ARHGEF2: variants seen among roughly 807,000 people sequenced by gnomAD.
The protein encoded by ARHGEF2 is Rho/Rac guanine nucleotide exchange factor 2.
A neutral mutation model predicts 121.0 loss-of-function variants in ARHGEF2; 22 were observed. The ratio of observed to expected loss-of-function variants is 0.18; its 90% CI spans 0.13 to 0.26. The LOEUF is 0.26. ARHGEF2 is among the 10% of genes least tolerant of loss of function. ARHGEF2 has a pLI of 1.00. For missense variants in ARHGEF2, 907 were observed against 1,336.0 expected (o/e 0.68, Z 5.01); for synonymous variants, 487 against 530.0 (o/e 0.92, Z 1.11).
At chr1:155,968,940 T>C (rs1273854121) in intron 2 of ARHGEF2, 2 of 570,716 alleles carry the variant, frequency 3.5e-6, no homozygotes, top group Non-Finnish European at 6.1e-6. Context: ...CTCCCCCACA[T>C]TCCCAGATAG....
At chr1:155,957,382 G>A (rs888550540) in intron 13 of ARHGEF2, among the ~76,000 whole-genome samples, 4 of 152,120 alleles carry the variant, frequency 2.6e-5, no homozygotes, top group Admixed American at 2.6e-4. Flanking sequence ...CCAAATAACA[G>A]CCCTCTGCCT....
intron 2 of ARHGEF2, among the ~76,000 whole-genome samples, chr1:155,967,143 A>G (rs1679564520): frequency 6.6e-6 from 1 of 152,144 alleles, no homozygotes; most frequent in African/African-American, 2.4e-5. Flanking sequence ...CCTGACCCCA[A>G]GGTGGCCTGA....
chr1:155,956,885 T>TC (rs1676785653), intron 13 of ARHGEF2, among the ~76,000 whole-genome samples: 1 of 39,976 alleles, frequency 2.5e-5, no homozygotes, highest in African/African-American at 7.2e-5. Context: ...AGACTCTGTC[T>TC]CCAAAAAAAA....
chr1:155,958,722 G>A (rs1677214543), intron 11 of ARHGEF2, among the ~76,000 whole-genome samples: 1 of 151,460 alleles, frequency 6.6e-6, no homozygotes, highest in Non-Finnish European at 1.5e-5. Flanking sequence ...ACTACTACAG[G>A]CGTGTGCCAC....
At chr1:155,948,519 TACTCG>T (rs1674751376) in intron 21 of ARHGEF2, among the ~76,000 whole-genome samples, 1 of 151,982 alleles carries the variant, frequency 6.6e-6, no homozygotes, top group Non-Finnish European at 1.5e-5. Flanking sequence ...TAATCCCAGC[TACTCG>T]GGAGGCTGAG....
chr1:155,955,085 C>G (rs1676392680), intron 13 of ARHGEF2, 116 bp from the exon 14 acceptor site: 1 of 763,606 alleles, frequency 1.3e-6, no homozygotes, highest in African/African-American at 1.8e-5. Context: ...TAAGACTCCT[C>G]AGCCTCACAC....
chr1:155,965,515 C>T lies in ARHGEF2; in HGVS notation c.471-103G>A. The T allele has an allele frequency of 1.2e-6, 2 of 1,604,370 alleles. No homozygotes were observed. The highest frequency in any genetic ancestry group is 3.3e-5 in the Admixed American group (2 of 59,718). On this transcript the variant is annotated intron_variant, in intron 5 of 21. Transcript: ENST00000361247. The surrounding 1 kb of genome is among the most constrained non-coding windows in gnomAD (Gnocchi z 6.0). ...ATCCAAGAGGCGGTCCCCCTAAGTT[C>T]TCCTTATTTGTCTGTCTACAGTTCT...
intron 7 of ARHGEF2, 72 bp from the exon 8 acceptor site, chr1:155,963,255 C>A (rs573580231): frequency 4.6e-6 from 7 of 1,519,634 alleles, no homozygotes; most frequent in East Asian, 4.5e-5. Context: ...AGGATAAGGA[C>A]CTCACAGTTC....
intron 11 of ARHGEF2, among the ~76,000 whole-genome samples, chr1:155,960,463 G>C (rs1677658531): frequency 2.0e-5 from 2 of 100,506 alleles, no homozygotes; most frequent in African/African-American, 2.8e-5. Context: ...GCGAGACCCT[G>C]TTTCTAAAAA....
At position 155,966,907 on chromosome 1, in the gene ARHGEF2, A is replaced by T. The variant is rs1347220694; in HGVS notation, c.209-20T>A. The T allele has an allele frequency of 6.2e-7, 1 of 1,607,122 alleles. No individual in the cohort carries two copies. The highest frequency in any genetic ancestry group is 8.5e-7 in the Non-Finnish European group (1 of 1,174,212). ...TGCAGGCTGGGAGGGTGGGGTAGAG[A>T]GGGTGAAGGGAGGGCCGGGTGGTAC... On this transcript the variant is annotated intron_variant, in intron 2 of 21. Transcript: ENST00000361247.
At chr1:155,975,007 T>C (rs1193328600) in intron 1 of ARHGEF2, among the ~76,000 whole-genome samples, 4 of 103,114 alleles carry the variant, frequency 3.9e-5, no homozygotes, top group African/African-American at 1.5e-4. Context: ...CAAAGAGACA[T>C]AAACAAACCC....
At chr1:155,953,080 C>A (rs1428434451) in intron 14 of ARHGEF2, among the ~76,000 whole-genome samples, 1 of 152,014 alleles carries the variant, frequency 6.6e-6, no homozygotes, top group Non-Finnish European at 1.5e-5. Context: ...GCCTGGCTAA[C>A]ATGGCAAAAC....
intron 7 of ARHGEF2, among the ~76,000 whole-genome samples, chr1:155,964,212 ATATAT>A (rs1678856351): frequency 7.4e-6 from 1 of 134,340 alleles, no homozygotes; most frequent in African/African-American, 2.9e-5. Flanking sequence ...ATATATATAT[ATATAT>A]TTTTTTTTTA....
In ARHGEF2 at chr1:155,965,111, G is replaced by A. The variant is rs1679099465; in HGVS notation, c.601C>T (p.Leu201=). 6.2e-7 allele frequency: 1 copy of A among 1,614,056 alleles called. No homozygotes were observed. The highest frequency in any genetic ancestry group is 8.5e-7 in the Non-Finnish European group (1 of 1,179,994). The change falls in exon 7 of 22, where the codon CTG becomes TTG. Residue 201 remains leucine, a synonymous_variant. Coordinates refer to ENST00000361247, the MANE Select transcript of ARHGEF2 (RefSeq NM_001162383.2). This position sits in a 1 kb window ranked among gnomAD's most constrained non-coding sequence, Gnocchi z 6.0. The part of the protein sequence containing the change: ...IDEAEVIYSE[L]MSDFEMDEKD... ...TCATCCATCTCAAAGTCACTCATCAGCTCACTGTAGATTACCTCTGCTGGA... is the reference window on the plus strand; with the variant it reads ...TCATCCATCTCAAAGTCACTCATCAACTCACTGTAGATTACCTCTGCTGGA...
chr1:155,978,901 C>T (rs934252487), upstream of ARHGEF2: 2 of 986,732 alleles, frequency 2.0e-6, no homozygotes, highest in African/African-American at 1.7e-5. This position sits in a 1 kb window ranked among gnomAD's most constrained non-coding sequence, Gnocchi z 4.1. Context: ...TTTCCCTCCC[C>T]TACTGCGTTA....
chr1:155,978,224 G>GCCCCCCCC lies in ARHGEF2; in HGVS notation c.63+140_63+141insGGGGGGGG. On this transcript the variant is annotated intron_variant, in intron 1 of 21. Coordinates refer to ENST00000361247, the MANE Select transcript of ARHGEF2 (RefSeq NM_001162383.2). The surrounding 1 kb of genome is among the most constrained non-coding windows in gnomAD (Gnocchi z 4.1). ...CTCGCTCGCAGTCCCCACCCACCCC[G>GCCCCCCCC]TCCCGCCGCTCGCCGATCCACCGCT... The GCCCCCCCC allele has an allele frequency of 1.1e-6, 1 of 904,284 alleles. No homozygotes were observed. The highest frequency in any genetic ancestry group is 1.4e-6 in the Non-Finnish European group (1 of 704,132). 56.0% of individuals were successfully genotyped at this position (904,284 alleles called of 1,614,324 possible). A position where few individuals can be genotyped will look rare whatever the true frequency, so the allele number is the denominator to read the frequency against.
Position 155,951,154 on chromosome 1 carries a change from G to A in ARHGEF2, c.2378C>T (p.Ala793Val). Reference sequence around the variant, plus strand: ...GGCCTGCTTTTCAGGGGCCACAGGGGCAGCCCCAGCCCTGCCAGCCTCCCC... The same window carrying A: ...GGCCTGCTTTTCAGGGGCCACAGGGACAGCCCCAGCCCTGCCAGCCTCCCC... ...RDGEAGRAGAAPVAPEKQATE... is the reference protein window; with the variant it reads ...RDGEAGRAGAVPVAPEKQATE... The change falls in exon 20 of 22, where the codon GCC becomes GTC. Residue 793 changes from alanine (A) to valine (V), a missense_variant. Ala to Val is a moderately conservative substitution (Grantham distance 64). Around this residue, in one of 2 missense-constraint regions of ARHGEF2, gnomAD observed 432 missense variants for 559.5 expected, o/e 0.77. Coordinates refer to ENST00000361247, the MANE Select transcript of ARHGEF2 (RefSeq NM_001162383.2). The surrounding 1 kb of genome is among the most constrained non-coding windows in gnomAD (Gnocchi z 5.1). The A allele has an allele frequency of 6.2e-7, 1 of 1,604,180 alleles. No homozygotes were observed.
At chr1:155,960,136 A>G (rs1236329757) in intron 11 of ARHGEF2, among the ~76,000 whole-genome samples, 1 of 152,164 alleles carries the variant, frequency 6.6e-6, no homozygotes, top group Non-Finnish European at 1.5e-5. Context: ...GGGAGGAAAC[A>G]AAGATCAATT....
rs1228186887 is a variant in ARHGEF2 at position 155,947,249 on chromosome 1, A to G, written c.*693T>C. On this transcript the variant is annotated 3_prime_UTR_variant, in exon 22 of 22. Transcript: ENST00000361247. ...CACGTGCAGTTGACTTTGGTACAAAAAAGAAAACAAAAGAACAACAAAACA... is the reference window on the plus strand; with the variant it reads ...CACGTGCAGTTGACTTTGGTACAAAGAAGAAAACAAAAGAACAACAAAACA... The G allele has an allele frequency of 6.6e-5, 27 of 408,616 alleles. No individual in the cohort carries two copies. Among genetic ancestry groups the G allele is most frequent in the South Asian group, 3.6e-4 (21 of 58,020 alleles). 25.3% of individuals were successfully genotyped at this position (408,616 alleles called of 1,614,324 possible).
Sources: gnomAD v4.1 joint callset for allele counts (sites outside exome capture counted in the v4.1 genomes callset) on GRCh38, gnomAD v4.1.1 for gene constraint, gnomAD v4.1.1 regional missense constraint, Gnocchi (gnomAD v3.1) non-coding constraint, MANE v1.5 for transcripts, NCBI Gene and HGNC (gene_info 2026-07-23, HGNC 2026-07-21) for gene names.